The following MCF2L2 variants were observed in gnomAD, a reference collection of about 807,000 sequenced individuals.
The protein encoded by MCF2L2 is probable guanine nucleotide exchange factor MCF2L2.
MCF2L2 carries 102 observed loss-of-function variants against 150.2 expected under a neutral mutation model. That is an observed-to-expected ratio of 0.68 (90% confidence interval 0.58 to 0.80). MCF2L2 has a LOEUF of 0.80. Ranked by LOEUF, MCF2L2 falls within the 30% of genes least tolerant of loss-of-function variation. The probability of loss-of-function intolerance (pLI) is 0.00; values close to 1 mark genes in which losing one functional copy is unlikely to be tolerated. For missense variants in MCF2L2, 1,256 were observed against 1,372.8 expected (o/e 0.91, Z 1.34); for synonymous variants, 465 against 491.3 (o/e 0.95, Z 0.71).
chr3:183,270,635 T>C lies in MCF2L2; in HGVS notation c.1862+6237A>G. On this transcript the variant is annotated intron_variant, in intron 15 of 29. Transcript: ENST00000328913. The surrounding 1 kb of genome is among the most constrained non-coding windows in gnomAD (Gnocchi z 4.5). ...CATCACAGACACTAAATTCAAGTCT[T>C]TACATAGACGATGTGTTCATGGGCC... is the stretch of plus-strand genomic sequence containing the variant. 1.2e-6 allele frequency: 2 copies of C among 1,614,162 alleles called. No homozygotes were observed. The highest frequency in any genetic ancestry group is 1.7e-6 in the Non-Finnish European group (2 of 1,180,034).
At chr3:183,231,464 T>C (rs546827760) in intron 15 of MCF2L2, among the ~76,000 whole-genome samples, 1 of 151,840 alleles carries the variant, frequency 6.6e-6, no homozygotes, top group East Asian at 1.9e-4. Flanking sequence ...AGCTTTCTTT[T>C]CCTTTTAAGA....
At chr3:183,327,768 C>T (rs1305828849) in intron 5 of MCF2L2, among the ~76,000 whole-genome samples, 1 of 152,088 alleles carries the variant, frequency 6.6e-6, no homozygotes, top group African/African-American at 2.4e-5. Flanking sequence ...GATCATAGAT[C>T]TAAACATGAA....
In MCF2L2 at chr3:183,297,041, AC is replaced by A; in HGVS notation, c.1431del (p.Glu477AspfsTer45). 3 of 1,613,976 alleles carry A rather than the reference AC, an allele frequency of 1.9e-6. No homozygotes were observed. Among genetic ancestry groups the A allele is most frequent in the Non-Finnish European group, 2.5e-6 (3 of 1,179,994 alleles). On this transcript the variant is annotated frameshift_variant, in exon 12 of 30. Coordinates refer to ENST00000328913, the MANE Select transcript of MCF2L2 (RefSeq NM_015078.4). LOFTEE classifies it high-confidence loss of function. Reference sequence around the variant, plus strand: ...AACTCCTTGGGGCTGAGCAACGGGTACTCCTTGACTGTGCCCAGGAATGTCG... The same window carrying A: ...AACTCCTTGGGGCTGAGCAACGGGTATCCTTGACTGTGCCCAGGAATGTCG... ...DIATFLGTVK[E>X]YPLLSPKEFY...
chr3:183,323,089 T>C (rs1729879031), intron 6 of MCF2L2, 146 bp downstream of exon 6: 1 of 564,812 alleles, frequency 1.8e-6, no homozygotes, highest in Non-Finnish European at 3.3e-6. Context: ...CACTCCTTCT[T>C]CCCCACCCTG....
In MCF2L2 at chr3:183,297,200, G is replaced by C. The variant is rs753542514; in HGVS notation, c.1306-33C>G. 3.1e-6 allele frequency: 5 copies of C among 1,588,034 alleles called. 1 individual carries two copies. In the South Asian group the frequency reaches 4.5e-5, roughly 14 times the overall value. On this transcript the variant is annotated intron_variant, in intron 11 of 29. Transcript: ENST00000328913. ...AAAGAAACAGTGCCCTGTGCACTTC[G>C]CCTGACCACAACTCAGAGCCACCGT...
intron 22 of MCF2L2, among the ~76,000 whole-genome samples, chr3:183,215,435 C>T (rs1722878542): frequency 2.0e-5 from 3 of 152,142 alleles, no homozygotes; most frequent in African/African-American, 4.8e-5. Flanking sequence ...TTAACACTGA[C>T]GCTGGAGCTC....
At chr3:183,384,585 G>A (rs1298724669) in intron 2 of MCF2L2, among the ~76,000 whole-genome samples, 1 of 151,942 alleles carries the variant, frequency 6.6e-6, no homozygotes, top group African/African-American at 2.4e-5. Flanking sequence ...CCGACTCCCT[G>A]TGATTTCATC....
chr3:183,231,120 T>C, intron 15 of MCF2L2, 103 bp from the exon 16 acceptor site: 2 of 859,680 alleles, frequency 2.3e-6, no homozygotes, highest in Non-Finnish European at 3.9e-6. Context: ...TACAGTTCCC[T>C]TTTAGTGGCT....
intron 15 of MCF2L2, among the ~76,000 whole-genome samples, chr3:183,252,394 GC>G (rs1724593167): frequency 6.6e-6 from 1 of 152,184 alleles, no homozygotes; most frequent in African/African-American, 2.4e-5. Context: ...GCTGAGCCAT[GC>G]CCTGTGTAGG....
chr3:183,338,720 T>C (rs1458900481), intron 5 of MCF2L2, 80 bp downstream of exon 5: 1 of 1,434,072 alleles, frequency 7.0e-7, no homozygotes, highest in East Asian at 2.4e-5. Context: ...TTGAATCTTA[T>C]CTTGCCCAGA....
At chr3:183,382,038 T>C (rs1713556430) in intron 2 of MCF2L2, among the ~76,000 whole-genome samples, 1 of 145,542 alleles carries the variant, frequency 6.9e-6, no homozygotes, top group African/African-American at 2.5e-5. Flanking sequence ...GATTATGCCA[T>C]TTAATTTCAC....
In MCF2L2 at chr3:183,179,960, G is replaced by T; in HGVS notation, c.3105+111C>A. Reference sequence around the variant, plus strand: ...CCCTGGCTTAACCAGGTCCTTATGGGTGAGAATCCTGAGGAGGGGGAGAGG... The same window carrying T: ...CCCTGGCTTAACCAGGTCCTTATGGTTGAGAATCCTGAGGAGGGGGAGAGG... On this transcript the variant is annotated intron_variant, in intron 28 of 29. Coordinates refer to ENST00000328913, the MANE Select transcript of MCF2L2 (RefSeq NM_015078.4). This position sits in a 1 kb window ranked among gnomAD's most constrained non-coding sequence, Gnocchi z 4.2. 1 of 940,332 alleles carries T rather than the reference G, an allele frequency of 1.1e-6. No individual in the cohort carries two copies. Among genetic ancestry groups the T allele is most frequent in the Non-Finnish European group, 1.7e-6 (1 of 588,638 alleles). 58.2% of individuals were successfully genotyped at this position (940,332 alleles called of 1,614,324 possible). A position where few individuals can be genotyped will look rare whatever the true frequency, so the allele number is the denominator to read the frequency against.
chr3:183,401,034 T>C (rs984229173), intron 1 of MCF2L2, among the ~76,000 whole-genome samples: 5 of 152,116 alleles, frequency 3.3e-5, no homozygotes, highest in South Asian at 4.1e-4. Context: ...AGACAGGATG[T>C]AGAGCGCCTC....
At position 183,233,621 on chromosome 3, in the gene MCF2L2, G is replaced by A. The variant is rs74416969; in HGVS notation, c.1863-2604C>T. On this transcript the variant is annotated intron_variant, in intron 15 of 29. Coordinates refer to ENST00000328913, the MANE Select transcript of MCF2L2 (RefSeq NM_015078.4). ...TAGAAATATACGTAAAACTGTATATGCTCAGAAAATTTATGCAAAGAAACT... is the reference window on the plus strand; with the variant it reads ...TAGAAATATACGTAAAACTGTATATACTCAGAAAATTTATGCAAAGAAACT... Among the ~76,000 whole-genome samples the A allele has an allele frequency of 9.9e-3, 1,502 of 152,252 alleles. 28 individuals are homozygous for A. Among genetic ancestry groups the A allele is most frequent in the African/African-American group, 0.034 (1,393 of 41,564 alleles).
intron 27 of MCF2L2, among the ~76,000 whole-genome samples, chr3:183,184,048 C>T (rs542703679): frequency 6.6e-6 from 1 of 152,300 alleles, no homozygotes; most frequent in Admixed American, 6.5e-5. Flanking sequence ...ACAGGGGTCT[C>T]GCTCTGTCGC....
chr3:183,180,357 C>A, intron 27 of MCF2L2, 198 bp from the exon 28 acceptor site: 1 of 517,296 alleles, frequency 1.9e-6, no homozygotes, highest in Non-Finnish European at 3.4e-6. Context: ...GCCGAGATGC[C>A]GTAATTCACC....
At chr3:183,241,049 TA>T (rs1005014324) in intron 15 of MCF2L2, among the ~76,000 whole-genome samples, 5 of 151,890 alleles carry the variant, frequency 3.3e-5, no homozygotes, top group Admixed American at 1.3e-4. Flanking sequence ...ATGGAAGAGA[TA>T]AAAAAAATCA....
chr3:183,196,130 G>A (rs1319093355), intron 25 of MCF2L2, among the ~76,000 whole-genome samples: 1 of 152,102 alleles, frequency 6.6e-6, no homozygotes, highest in Admixed American at 6.6e-5. Context: ...TCGGCTTCTT[G>A]TGCTGCTGTG....
intron 1 of MCF2L2, among the ~76,000 whole-genome samples, chr3:183,392,406 A>C (rs1481421219): frequency 1.3e-5 from 2 of 152,188 alleles, no homozygotes; most frequent in South Asian, 4.1e-4. Context: ...GAGGCTGACT[A>C]GTGTCATGGG....
Sources: allele counts gnomAD v4.1 joint callset (sites outside exome capture counted in the v4.1 genomes callset), GRCh38; gene constraint gnomAD v4.1.1; non-coding constraint Gnocchi (gnomAD v3.1); transcripts MANE v1.5; gene names NCBI Gene and HGNC (gene_info 2026-07-23, HGNC 2026-07-21).